TMEM200A: variants seen among roughly 807,000 people sequenced by gnomAD.
TMEM200A encodes the protein two transmembrane C.
Under a neutral mutation model 24.3 loss-of-function variants are expected in TMEM200A, and 12 were observed. The observed-to-expected ratio is 0.49, with a 90% CI of 0.32 to 0.80. The LOEUF (loss-of-function observed/expected upper bound fraction) is 0.80. Among genes scored for constraint, TMEM200A ranks in the 30% least tolerant of loss-of-function variants. The pLI, the probability that TMEM200A is intolerant of heterozygous loss-of-function variation, is 0.04. For synonymous variants in TMEM200A, 224 were observed against 224.4 expected (o/e 1.00, Z 0.02); for missense variants, 545 against 614.4 (o/e 0.89, Z 1.19).
intron 1 of TMEM200A, among the ~76,000 whole-genome samples, chr6:130,374,443 C>T (rs1274681432): frequency 1.3e-5 from 2 of 150,580 alleles, no homozygotes; most frequent in African/African-American, 2.5e-5. Context: ...GACGGAGTCT[C>T]GCTCTGTCAC....
rs563123828 is a variant in TMEM200A at position 130,372,757 on chromosome 6, G to A, written c.-81+6233G>A. ...CTTAGGTGTGTGACTGGATGTGTGC[G>A]CAATTGACTGTGTATGTATGTACAA... On this transcript the variant is annotated intron_variant, in intron 1 of 2. Transcript: ENST00000296978. Among the ~76,000 whole-genome samples the A allele has an allele frequency of 7.9e-5, 12 of 152,276 alleles. No homozygotes were observed. In the South Asian group the frequency reaches 1.0e-3, roughly 13 times the overall value.
At position 130,412,715 on chromosome 6, in the gene TMEM200A, C is replaced by G. The variant is rs111775536; in HGVS notation, c.-17+27479C>G. Among the ~76,000 whole-genome samples the G allele has an allele frequency of 9.2e-3, 1,397 of 152,252 alleles. 16 individuals are homozygous for G. Among genetic ancestry groups the G allele is most frequent in the South Asian group, 0.025 (119 of 4,818 alleles). The stretch of plus-strand genomic sequence containing the variant: ...CTGTGGATTCCTGCTGTCTTCACCC[C>G]CTTCGAATGCTTTAGGGATGAACTG... On this transcript the variant is annotated intron_variant, in intron 2 of 2. Transcript: ENST00000296978.
chr6:130,422,334 T>C (rs890579490), intron 2 of TMEM200A, among the ~76,000 whole-genome samples: 1 of 152,186 alleles, frequency 6.6e-6, no homozygotes, highest in African/African-American at 2.4e-5. Flanking sequence ...AGTGGTGCGA[T>C]ATCGACTCAC....
intron 2 of TMEM200A, among the ~76,000 whole-genome samples, chr6:130,410,781 GAA>G (rs1321155731): frequency 1.3e-5 from 2 of 152,212 alleles, no homozygotes; most frequent in Non-Finnish European, 2.9e-5. Flanking sequence ...ATTTAATTAA[GAA>G]TAAGTTGTCA....
At chr6:130,380,964 G>A (rs1289814450) in intron 1 of TMEM200A, among the ~76,000 whole-genome samples, 2 of 152,208 alleles carry the variant, frequency 1.3e-5, no homozygotes, top group African/African-American at 4.8e-5. Flanking sequence ...TCCAGCCTGG[G>A]AAACAGAGTG....
intron 1 of TMEM200A, among the ~76,000 whole-genome samples, chr6:130,369,189 T>C (rs1252019451): frequency 2.6e-5 from 4 of 152,228 alleles, no homozygotes; most frequent in Non-Finnish European, 5.9e-5. Context: ...TTTCACTTAG[T>C]ACTGGGTGGT....
intron 2 of TMEM200A, among the ~76,000 whole-genome samples, chr6:130,396,370 T>TG (rs1301580025): frequency 6.6e-6 from 1 of 151,652 alleles, no homozygotes; most frequent in African/African-American, 2.4e-5. Flanking sequence ...GTCTGTTTTT[T>TG]TTTTTTTTTT....
chr6:130,398,479 G>A (rs757500956), intron 2 of TMEM200A, among the ~76,000 whole-genome samples: 10 of 151,638 alleles, frequency 6.6e-5, no homozygotes, highest in Non-Finnish European at 1.5e-4. Context: ...TTTCCTTTGG[G>A]TATACACTCA....
intron 2 of TMEM200A, among the ~76,000 whole-genome samples, chr6:130,418,635 G>A (rs1359258346): frequency 3.3e-5 from 5 of 152,088 alleles, no homozygotes; most frequent in Non-Finnish European, 5.9e-5. Flanking sequence ...TTGGCTTAGA[G>A]TACATTTAGT....
At chr6:130,402,000 G>A (rs1043503017) in intron 2 of TMEM200A, among the ~76,000 whole-genome samples, 1 of 151,250 alleles carries the variant, frequency 6.6e-6, no homozygotes, top group Non-Finnish European at 1.5e-5. Context: ...TTTGCTGTTT[G>A]TGCCCTAATG....
chr6:130,375,308 A>T (rs1778426764), intron 1 of TMEM200A, among the ~76,000 whole-genome samples: 1 of 152,184 alleles, frequency 6.6e-6, no homozygotes, highest in Non-Finnish European at 1.5e-5. Context: ...AACACTGTGT[A>T]GGAATTTATG....
intron 2 of TMEM200A, among the ~76,000 whole-genome samples, chr6:130,400,555 C>T (rs1484691803): frequency 6.6e-6 from 1 of 151,178 alleles, no homozygotes; most frequent in African/African-American, 2.4e-5. Context: ...CTTTAACTGG[C>T]ACTGTTTTCA....
intron 2 of TMEM200A, among the ~76,000 whole-genome samples, chr6:130,433,909 AC>A (rs1779939354): frequency 6.6e-6 from 1 of 152,198 alleles, no homozygotes; most frequent in East Asian, 1.9e-4. Flanking sequence ...TGCATGGCAT[AC>A]CCTCATTTAT....
intron 2 of TMEM200A, among the ~76,000 whole-genome samples, chr6:130,412,565 CACCCTCTTT>C (rs1336826140): frequency 2.0e-5 from 3 of 152,150 alleles, no homozygotes; most frequent in Non-Finnish European, 2.9e-5. Context: ...CCTGTGGAGA[CACCCTCTTT>C]ACCCAGCTCA....
chr6:130,382,372 A>G (rs1031640339), intron 1 of TMEM200A, among the ~76,000 whole-genome samples: 3 of 152,168 alleles, frequency 2.0e-5, no homozygotes, highest in Non-Finnish European at 4.4e-5. Context: ...CATGCTCTAC[A>G]TGAAACAGCT....
intron 2 of TMEM200A, among the ~76,000 whole-genome samples, chr6:130,413,366 G>A (rs1265141698): frequency 1.3e-5 from 2 of 152,164 alleles, no homozygotes; most frequent in African/African-American, 4.8e-5. Flanking sequence ...GCCAGTGTCT[G>A]TGTGACATCT....
At chr6:130,403,993 A>T (rs544033688) in intron 2 of TMEM200A, among the ~76,000 whole-genome samples, 2 of 152,312 alleles carry the variant, frequency 1.3e-5, no homozygotes, top group African/African-American at 2.4e-5. Context: ...TTCCCTGCAA[A>T]GGATGTGATC....
At chr6:130,414,263 C>T (rs1779397651) in intron 2 of TMEM200A, among the ~76,000 whole-genome samples, 1 of 151,854 alleles carries the variant, frequency 6.6e-6, no homozygotes, top group Admixed American at 6.6e-5. Context: ...GAAACCCCAT[C>T]TCTACTAAAA....
chr6:130,409,453 C>T (rs1779283547), intron 2 of TMEM200A, among the ~76,000 whole-genome samples: 1 of 152,148 alleles, frequency 6.6e-6, no homozygotes, highest in African/African-American at 2.4e-5. Context: ...ACAAGTTTGT[C>T]TCTGCAACTA....
Sources: allele counts gnomAD v4.1 joint callset (sites outside exome capture counted in the v4.1 genomes callset), GRCh38; gene constraint gnomAD v4.1.1; transcripts MANE v1.5; gene names NCBI Gene and HGNC (gene_info 2026-07-23, HGNC 2026-07-21).